The following MAGI1 variants were observed in gnomAD, a reference collection of about 807,000 sequenced individuals.
MAGI1 encodes the protein membrane associated guanylate kinase, WW and PDZ domain containing 1.
In MAGI1, 58 loss-of-function variants were observed where a neutral mutation model predicts 139.9. The ratio of observed to expected loss-of-function variants is 0.41; its 90% CI spans 0.34 to 0.52. MAGI1 has a LOEUF of 0.52. MAGI1 is among the 20% of genes least tolerant of loss of function. The pLI is 0.12. For synonymous variants in MAGI1, 812 were observed against 737.9 expected, an observed-to-expected ratio of 1.10 and a Z score of -1.63; for missense variants, 1,874 against 1,901.6, an observed-to-expected ratio of 0.99 and a Z score of 0.27.
chr3:65,587,996 G>C (rs571066094), intron 2 of MAGI1, among the ~76,000 whole-genome samples: 4 of 152,190 alleles, frequency 2.6e-5, no homozygotes, highest in African/African-American at 7.2e-5. Flanking sequence ...CACACATTTG[G>C]TTCTTTTCCC....
chr3:65,452,971 T>C (rs2107496055), intron 6 of MAGI1: 2 of 306,414 alleles, frequency 6.5e-6, no homozygotes, highest in South Asian at 7.2e-5. Context: ...GAATTTACTC[T>C]AAGTTCCTGA....
At chr3:65,969,578 G>A (rs2064925129) in intron 1 of MAGI1, among the ~76,000 whole-genome samples, 1 of 152,166 alleles carries the variant, frequency 6.6e-6, no homozygotes, top group Non-Finnish European at 1.5e-5. Flanking sequence ...AAATGTGGCT[G>A]AATAACTAGA....
At chr3:65,869,255 C>CA (rs35601573) in intron 1 of MAGI1, among the ~76,000 whole-genome samples, 6,060 of 78,518 alleles carry the variant, frequency 0.077, 387 homozygotes, top group African/African-American at 0.13. Flanking sequence ...GACTCCGTCT[C>CA]AAAAAAAAAA....
chr3:65,499,080 A>T, intron 2 of MAGI1: 1 of 946,314 alleles, frequency 1.1e-6, no homozygotes, highest in Non-Finnish European at 1.3e-6. Flanking sequence ...AAAACAAAAA[A>T]CTCTCATATG....
chr3:65,850,361 C>T (rs1179643161), intron 1 of MAGI1, among the ~76,000 whole-genome samples: 2 of 152,090 alleles, frequency 1.3e-5, no homozygotes, highest in African/African-American at 4.8e-5. Flanking sequence ...GTTTGCCCGG[C>T]GCTTTCTGGG....
chr3:66,038,238 G>A lies in MAGI1; in HGVS notation c.71C>T (p.Pro24Leu), dbSNP rs1270940251. Residue 24 changes from proline (P) to leucine (L), a missense_variant, in exon 1 of 23, where the codon CCC becomes CTC. By Grantham distance (98) the Pro-to-Leu change is moderately conservative (BLOSUM62 -3). This residue lies in a region of MAGI1 where 648 missense variants were observed against 598.1 expected (regional missense o/e 1.08). Transcript: ENST00000402939. ...CACCGTCACCCCCAGCTCGCCCTGGGGTCCCCGCTTCACGGTGCATTCGTG... is the reference window on the plus strand; with the variant it reads ...CACCGTCACCCCCAGCTCGCCCTGGAGTCCCCGCTTCACGGTGCATTCGTG... ...RVHECTVKRGPQGELGVTVLG... is the reference protein window; with the variant it reads ...RVHECTVKRGLQGELGVTVLG... 6.2e-7 allele frequency: 1 copy of A among 1,611,542 alleles called. No homozygotes were observed. Among genetic ancestry groups the A allele is most frequent in the Admixed American group, 1.7e-5 (1 of 59,934 alleles).
chr3:65,714,653 C>T (rs992232483), intron 1 of MAGI1, among the ~76,000 whole-genome samples: 12 of 151,910 alleles, frequency 7.9e-5, no homozygotes, highest in Admixed American at 6.6e-4. Context: ...TAAAAAAAAC[C>T]GAAGCCTGAT....
intron 1 of MAGI1, among the ~76,000 whole-genome samples, chr3:65,880,954 T>TGGA (rs2060304659): frequency 6.6e-6 from 1 of 151,502 alleles, no homozygotes; most frequent in Non-Finnish European, 1.5e-5. Flanking sequence ...GGTCTCCCTC[T>TGGA]GTCACCCAGG....
intron 2 of MAGI1, among the ~76,000 whole-genome samples, chr3:65,508,623 A>G (rs2077406941): frequency 6.6e-6 from 1 of 152,188 alleles, no homozygotes; most frequent in African/African-American, 2.4e-5. Flanking sequence ...CATTAATCCA[A>G]GAATGCAGAT....
At chr3:65,653,086 C>A (rs1389126534) in intron 1 of MAGI1, among the ~76,000 whole-genome samples, 4 of 152,166 alleles carry the variant, frequency 2.6e-5, no homozygotes, top group Admixed American at 1.3e-4. Context: ...AACTTGTATA[C>A]TTTTTTTTCT....
intron 12 of MAGI1, among the ~76,000 whole-genome samples, chr3:65,420,113 A>G (rs1946536888): frequency 1.3e-5 from 2 of 151,990 alleles, no homozygotes; most frequent in African/African-American, 4.8e-5. Context: ...TTCTTCATAT[A>G]TATGCCACAG....
At chr3:65,558,168 T>C (rs956995630) in intron 2 of MAGI1, among the ~76,000 whole-genome samples, 10 of 152,096 alleles carry the variant, frequency 6.6e-5, no homozygotes, top group East Asian at 1.9e-4. Flanking sequence ...TGCTTATTAA[T>C]AGACGTAGAG....
chr3:65,842,911 T>C (rs1402285053), intron 1 of MAGI1, among the ~76,000 whole-genome samples: 1 of 152,138 alleles, frequency 6.6e-6, no homozygotes, highest in African/African-American at 2.4e-5. Flanking sequence ...CAGTGGCTTT[T>C]CTCTTACACT....
intron 1 of MAGI1, among the ~76,000 whole-genome samples, chr3:65,751,477 A>G (rs1045282296): frequency 1.3e-5 from 2 of 152,180 alleles, no homozygotes; most frequent in African/African-American, 4.8e-5. Context: ...ACCTTCGGAG[A>G]AAAGGGCACT....
chr3:65,613,739 C>T (rs1203796321), intron 2 of MAGI1, among the ~76,000 whole-genome samples: 1 of 152,152 alleles, frequency 6.6e-6, no homozygotes, highest in African/African-American at 2.4e-5. Context: ...TTGGCTAAAT[C>T]ATCCAATTAT....
chr3:65,998,118 A>AC (rs1225542814), intron 1 of MAGI1, among the ~76,000 whole-genome samples: 2 of 151,910 alleles, frequency 1.3e-5, no homozygotes, highest in Non-Finnish European at 2.9e-5. Context: ...AAAAAAAAAA[A>AC]AAACAAACAG....
intron 1 of MAGI1, among the ~76,000 whole-genome samples, chr3:65,955,146 C>T (rs1160071308): frequency 6.6e-6 from 1 of 152,000 alleles, no homozygotes; most frequent in African/African-American, 2.4e-5. Context: ...GGGAGAAACA[C>T]AGAGACAGGG....
intron 1 of MAGI1, among the ~76,000 whole-genome samples, chr3:65,895,452 A>T (rs1040996194): frequency 1.8e-4 from 28 of 152,238 alleles, no homozygotes; most frequent in Non-Finnish European, 3.8e-4. Context: ...CCTCAGGGTC[A>T]GAGACCAGAA....
At chr3:65,863,297 G>A (rs547695263) in intron 1 of MAGI1, among the ~76,000 whole-genome samples, 2 of 152,172 alleles carry the variant, frequency 1.3e-5, no homozygotes, top group Non-Finnish European at 2.9e-5. Flanking sequence ...TATTACTTAT[G>A]ATATATAGCC....
Sources: gnomAD v4.1 joint callset for allele counts (sites outside exome capture counted in the v4.1 genomes callset) on GRCh38, gnomAD v4.1.1 for gene constraint, gnomAD v4.1.1 regional missense constraint, MANE v1.5 for transcripts, NCBI Gene and HGNC (gene_info 2026-07-23, HGNC 2026-07-21) for gene names.